NTPCR: variants seen among roughly 807,000 people sequenced by gnomAD.
NTPCR encodes the protein nucleoside-triphosphatase, cancer-related.
A neutral mutation model predicts 19.5 loss-of-function variants in NTPCR; 15 were observed. The ratio of observed to expected loss-of-function variants is 0.77; its 90% confidence interval spans 0.51 to 1.18. The LOEUF is 1.18. Among genes scored for constraint, NTPCR ranks in the 50% most tolerant of loss-of-function variants. The pLI is 0.00. For missense variants in NTPCR, 206 were observed against 240.4 expected (o/e 0.86, Z 0.95); for synonymous variants, 90 against 95.8 (o/e 0.94, Z 0.36).
At position 232,976,511 on chromosome 1, in the gene NTPCR, G is replaced by A. The variant is rs571458681; in HGVS notation, c.505-1652G>A. ...TCTGTGTCGCCTCCTTTCTACCTCA[G>A]GTGGATTCCTTGAATGCAAACAACA... is the stretch of plus-strand genomic sequence containing the variant. On this transcript the variant is annotated intron_variant, in intron 4 of 4. Transcript: ENST00000366628. 5.2e-6 allele frequency: 8 copies of A among 1,532,908 alleles called. No individual in the cohort carries two copies. The South Asian group carries it at 9.9e-5, about 19-fold the overall frequency. 95.0% of individuals were successfully genotyped at this position (1,532,908 alleles called of 1,614,324 possible). A position where few individuals can be genotyped will look rare whatever the true frequency, so the allele number is the denominator to read the frequency against.
intron 3 of NTPCR, among the ~76,000 whole-genome samples, chr1:232,959,676 T>C (rs1668613702): frequency 1.3e-5 from 2 of 152,126 alleles, no homozygotes; most frequent in Admixed American, 1.3e-4. Context: ...ACTGGAAGTG[T>C]TAGAAACCCT....
At chr1:232,969,813 T>C in intron 3 of NTPCR, 96 bp from the exon 4 acceptor site, 2 of 1,028,278 alleles carry the variant, frequency 1.9e-6, no homozygotes. Flanking sequence ...GTTTCTGTCT[T>C]TTTTACCTCA....
rs961331637 is a variant in NTPCR at position 232,980,151 on chromosome 1, T to C, written c.*1920T>C. On this transcript the variant is annotated 3_prime_UTR_variant, in exon 5 of 5. Coordinates refer to ENST00000366628, the MANE Select transcript of NTPCR (RefSeq NM_032324.3). ...GGTTATTTCAAAGTTAAATAGCTAG[T>C]CTGAGGGGCTTATCACTGAAGCCAG... is the stretch of plus-strand genomic sequence containing the variant. 1.3e-5 allele frequency: 2 copies of C among 152,222 alleles called. No individual in the cohort carries two copies. The highest frequency in any genetic ancestry group is 4.8e-5 in the African/African-American group (2 of 41,450). 9.4% of individuals were successfully genotyped at this position (152,222 alleles called of 1,614,324 possible). A position where few individuals can be genotyped will look rare whatever the true frequency, so the allele number is the denominator to read the frequency against.
Position 232,955,725 on chromosome 1 carries a change from G to A in NTPCR, c.197+6G>A, listed in dbSNP as rs1464462819. On this transcript the variant is annotated splice_donor_region_variant and intron_variant, in intron 2 of 4. Coordinates refer to ENST00000366628, the MANE Select transcript of NTPCR (RefSeq NM_032324.3). ...GGGCCTTTATCGAGAGTTGGGTACTGATATTTCATTTCTGTGGTGTTCTAT... is the reference window on the plus strand; with the variant it reads ...GGGCCTTTATCGAGAGTTGGGTACTAATATTTCATTTCTGTGGTGTTCTAT... 1.4e-5 allele frequency: 23 copies of A among 1,612,946 alleles called. No individual in the cohort carries two copies. Among genetic ancestry groups the A allele is most frequent in the Non-Finnish European group, 1.9e-5 (22 of 1,179,348 alleles).
At chr1:232,953,038 AGACAG>A in intron 1 of NTPCR, among the ~76,000 whole-genome samples, 1 of 152,302 alleles carries the variant, frequency 6.6e-6, no homozygotes, top group East Asian at 1.9e-4. Flanking sequence ...CTCACTCCTC[AGACAG>A]GATAACTGAG....
chr1:232,972,635 G>A (rs978003168), intron 4 of NTPCR, among the ~76,000 whole-genome samples: 2 of 151,402 alleles, frequency 1.3e-5, no homozygotes, highest in East Asian at 2.0e-4. Flanking sequence ...CATGTTGCCC[G>A]GGGTTGATCT....
rs1558139330 is a variant in NTPCR, at chr1:232,983,209, A to G, written c.*4978A>G. On this transcript the variant is annotated 3_prime_UTR_variant, in exon 5 of 5. Transcript: ENST00000366628. Reference sequence around the variant, plus strand: ...AAATTTGTGTGACTGTTTAAAATTGAGTATTTCCTTCTAACTATTGTCTTT... The same window carrying G: ...AAATTTGTGTGACTGTTTAAAATTGGGTATTTCCTTCTAACTATTGTCTTT... 1 of 152,154 alleles carries G rather than the reference A, an allele frequency of 6.6e-6. No homozygotes were observed. The highest frequency in any genetic ancestry group is 1.5e-5 in the Non-Finnish European group (1 of 68,044). The allele number at this position is 152,154 out of a possible 1,614,324, so 9.4% of individuals were successfully genotyped here.
In NTPCR at chr1:232,979,027, C is replaced by T. The variant is rs896274958; in HGVS notation, c.*796C>T. The T allele has an allele frequency of 6.6e-6, 1 of 152,190 alleles. No homozygotes were observed. The highest frequency in any genetic ancestry group is 1.5e-5 in the Non-Finnish European group (1 of 68,046). The allele number at this position is 152,190 out of a possible 1,614,324, so 9.4% of individuals were successfully genotyped here. A position where few individuals can be genotyped will look rare whatever the true frequency, so the allele number is the denominator to read the frequency against. ...ATGTCACACCACAGAAGGAAACTGT[C>T]AACCACTCCACACAACTGTGGAGAG... On this transcript the variant is annotated 3_prime_UTR_variant, in exon 5 of 5. Coordinates refer to ENST00000366628, the MANE Select transcript of NTPCR (RefSeq NM_032324.3). This position sits in a 1 kb window ranked among gnomAD's most constrained non-coding sequence, Gnocchi z 5.3.
rs1669320008 is a variant in NTPCR, at chr1:232,982,891, G to A, written c.*4660G>A. On this transcript the variant is annotated 3_prime_UTR_variant, in exon 5 of 5. Transcript: ENST00000366628. ...GAGGATTACAGGAGCTGCCAGCCAAGTTTAATTTGGCCACCTTAGAGAACT... is the reference window on the plus strand; with the variant it reads ...GAGGATTACAGGAGCTGCCAGCCAAATTTAATTTGGCCACCTTAGAGAACT... 6.6e-6 allele frequency: 1 copy of A among 152,224 alleles called. No individual in the cohort carries two copies. The highest frequency in any genetic ancestry group is 2.1e-4 in the South Asian group (1 of 4,830). 9.4% of individuals were successfully genotyped at this position (152,224 alleles called of 1,614,324 possible). A position where few individuals can be genotyped will look rare whatever the true frequency, so the allele number is the denominator to read the frequency against.
chr1:232,967,713 A>G (rs1220815803), intron 3 of NTPCR: 1 of 152,086 alleles, frequency 6.6e-6, no homozygotes, highest in Non-Finnish European at 1.5e-5. Flanking sequence ...CTTTCATATC[A>G]CTTCTTGTCT....
chr1:232,955,640 G>T lies in NTPCR; in HGVS notation c.118G>T (p.Glu40Ter). ...GCCTGTTGATGGATTTTATACCGAAGAAGTCAGACAGGGAGGGAGAAGAAT... is the reference window on the plus strand; with the variant it reads ...GCCTGTTGATGGATTTTATACCGAATAAGTCAGACAGGGAGGGAGAAGAAT... ...GVPVDGFYTEEVRQGGRRIGF... is the reference protein window; with the variant it reads ...GVPVDGFYTE Residue 40 changes from glutamate to a stop codon, truncating the protein, a stop_gained, in exon 2 of 5, where the codon GAA (glutamate) becomes TAA (stop). Transcript: ENST00000366628. LOFTEE classifies it high-confidence loss of function. 6.2e-7 allele frequency: 1 copy of T among 1,612,828 alleles called. No individual in the cohort carries two copies. The highest frequency in any genetic ancestry group is 8.5e-7 in the Non-Finnish European group (1 of 1,179,818).
chr1:232,950,657 C>A lies in NTPCR; in HGVS notation c.-54C>A, dbSNP rs559837169. ...CCTGGTCCGGACCTGACCTGAATTG[C>A]GACCCCAACCTGGACTGCTCCCCTG... On this transcript the variant is annotated 5_prime_UTR_variant, in exon 1 of 5. Coordinates refer to ENST00000366628, the MANE Select transcript of NTPCR (RefSeq NM_032324.3). 3.4e-5 allele frequency: 50 copies of A among 1,476,698 alleles called. No homozygotes were observed. The highest frequency in any genetic ancestry group is 4.3e-5 in the Non-Finnish European group (45 of 1,058,084). 91.5% of individuals were successfully genotyped at this position (1,476,698 alleles called of 1,614,324 possible).
At chr1:232,963,869 TTGTG>T (rs1029100604) in intron 3 of NTPCR, 4 of 140,180 alleles carry the variant, frequency 2.9e-5, no homozygotes, top group Non-Finnish European at 4.7e-5. Flanking sequence ...GTGTGTGTGT[TTGTG>T]TGTGTGTATA....
chr1:232,955,853 C>G, intron 2 of NTPCR, 134 bp downstream of exon 2: 3 of 815,724 alleles, frequency 3.7e-6, no homozygotes, highest in South Asian at 1.7e-5. Flanking sequence ...CATCTGCTTT[C>G]CCTTTAGGTT....
rs1381962072 is a variant in NTPCR at position 232,982,798 on chromosome 1, G to C, written c.*4567G>C. The stretch of plus-strand genomic sequence containing the variant: ...CTGAACTCAAGGAGTCACCCTCCGT[G>C]GGGAGGCCACACTCACAGCTCCAGG... On this transcript the variant is annotated 3_prime_UTR_variant, in exon 5 of 5. Coordinates refer to ENST00000366628, the MANE Select transcript of NTPCR (RefSeq NM_032324.3). The C allele has an allele frequency of 1.3e-5, 2 of 152,236 alleles. No homozygotes were observed. Among genetic ancestry groups the C allele is most frequent in the Non-Finnish European group, 2.9e-5 (2 of 68,058 alleles). The allele number at this position is 152,236 out of a possible 1,614,324, so 9.4% of individuals were successfully genotyped here.
At chr1:232,959,951 C>G (rs934437298) in intron 3 of NTPCR, among the ~76,000 whole-genome samples, 2 of 152,016 alleles carry the variant, frequency 1.3e-5, no homozygotes, top group Non-Finnish European at 2.9e-5. Flanking sequence ...CGGCTCATGT[C>G]TGTAACCCCA....
At chr1:232,977,056 C>T (rs1669144156) in intron 4 of NTPCR, 1 of 152,896 alleles carries the variant, frequency 6.5e-6, no homozygotes, top group Non-Finnish European at 1.5e-5. Context: ...TGTATTGGCA[C>T]CTATTGTATG....
At position 232,981,786 on chromosome 1, in the gene NTPCR, C is replaced by T. The variant is rs566980845; in HGVS notation, c.*3555C>T. The T allele has an allele frequency of 1.4e-5, 2 of 146,948 alleles. No individual in the cohort carries two copies. Among genetic ancestry groups the T allele is most frequent in the South Asian group, 2.2e-4 (1 of 4,618 alleles). The allele number at this position is 146,948 out of a possible 1,614,324, so 9.1% of individuals were successfully genotyped here. On this transcript the variant is annotated 3_prime_UTR_variant, in exon 5 of 5. Transcript: ENST00000366628. ...GAGCTGGAGTGCAGTGGTGCTATCT[C>T]GGCTCACTGTAACCTCCGCCTCCTG...
intron 3 of NTPCR, chr1:232,963,185 G>GT (rs1396263430): frequency 1.3e-5 from 2 of 152,196 alleles, no homozygotes; most frequent in Non-Finnish European, 2.9e-5. Flanking sequence ...CAGAAAATCA[G>GT]TTTTTAAACT....
Sources: gnomAD v4.1 joint callset for allele counts (sites outside exome capture counted in the v4.1 genomes callset) on GRCh38, gnomAD v4.1.1 for gene constraint, Gnocchi (gnomAD v3.1) non-coding constraint, MANE v1.5 for transcripts, NCBI Gene and HGNC (gene_info 2026-07-23, HGNC 2026-07-21) for gene names.